CNOT2: variants seen among roughly 807,000 people sequenced by gnomAD.
CNOT2 encodes the protein CC chemokine receptor 4-negative regulator of transcription 2.
In CNOT2, 7 loss-of-function variants were observed where a neutral mutation model predicts 72.1. That is an observed-to-expected ratio of 0.10 (90% confidence interval 0.06 to 0.18). The LOEUF (loss-of-function observed/expected upper bound fraction) is 0.18. Ranked by LOEUF, CNOT2 falls within the 10% of genes least tolerant of loss-of-function variation. The probability of loss-of-function intolerance (pLI) is 1.00; values close to 1 mark genes in which losing one functional copy is unlikely to be tolerated. For missense variants in CNOT2, 345 were observed against 660.3 expected (o/e 0.52, Z 5.23); for synonymous variants, 196 against 225.6 (o/e 0.87, Z 1.17).
chr12:70,334,191 G>A (rs1880353210), intron 7 of CNOT2, among the ~76,000 whole-genome samples: 1 of 151,884 alleles, frequency 6.6e-6, no homozygotes, highest in African/African-American at 2.4e-5. Context: ...TATTCAAAAT[G>A]TATGACTCAT....
chr12:70,309,813 A>C (rs1430471721), intron 2 of CNOT2, among the ~76,000 whole-genome samples: 1 of 152,134 alleles, frequency 6.6e-6, no homozygotes, highest in East Asian at 1.9e-4. Context: ...GTCAGTTAAT[A>C]GTTTTGATAA....
At chr12:70,265,288 C>CTCTTT (rs1958975420) in intron 1 of CNOT2, among the ~76,000 whole-genome samples, 1 of 139,902 alleles carries the variant, frequency 7.1e-6, no homozygotes. Context: ...CTCTTCTCTT[C>CTCTTT]TCTTCTCTTC....
Position 70,300,256 on chromosome 12 carries a change from G to A in CNOT2, c.49-10639G>A, listed in dbSNP as rs549400343. Among the ~76,000 whole-genome samples the A allele has an allele frequency of 5.3e-5, 8 of 152,182 alleles. No homozygotes were observed. The South Asian group carries it at 6.2e-4, about 12-fold the overall frequency. On this transcript the variant is annotated intron_variant, in intron 2 of 15. Coordinates refer to ENST00000229195, the MANE Select transcript of CNOT2 (RefSeq NM_014515.7). ...CCATTTGTCAATTTTGGCTTTTGTT[G>A]CCATTGCTTTTGGTGTTTTAGACAT...
At chr12:70,260,817 A>G (rs1172943600) in intron 1 of CNOT2, among the ~76,000 whole-genome samples, 1 of 146,976 alleles carries the variant, frequency 6.8e-6, no homozygotes, top group Non-Finnish European at 1.5e-5. Flanking sequence ...AATTAGAGGT[A>G]GTTTCACTTC....
intron 8 of CNOT2, 58 bp from the exon 9 acceptor site, chr12:70,337,331 C>T: frequency 1.4e-6 from 2 of 1,456,626 alleles, no homozygotes; most frequent in Non-Finnish European, 1.9e-6. Flanking sequence ...ACTTTATAAT[C>T]TGTAGCAAAA....
At chr12:70,315,387 A>G (rs768485087) in intron 3 of CNOT2, among the ~76,000 whole-genome samples, 33 of 151,812 alleles carry the variant, frequency 2.2e-4, no homozygotes, top group Admixed American at 1.4e-3. Flanking sequence ...GTCATAATTC[A>G]TTTGTGGTTT....
chr12:70,289,500 A>T (rs1292599864), intron 2 of CNOT2, among the ~76,000 whole-genome samples: 1 of 151,840 alleles, frequency 6.6e-6, no homozygotes, highest in Non-Finnish European at 1.5e-5. Context: ...AAATTTAGGA[A>T]TTTTTTTCAT....
intron 1 of CNOT2, among the ~76,000 whole-genome samples, chr12:70,253,377 C>T (rs1002052742): frequency 2.6e-5 from 4 of 152,164 alleles, no homozygotes; most frequent in Non-Finnish European, 4.4e-5. Flanking sequence ...TAGGTATTTA[C>T]TGTTGTTGGT....
intron 2 of CNOT2, chr12:70,294,199 C>T: frequency 7.8e-7 from 1 of 1,289,412 alleles, no homozygotes; most frequent in Non-Finnish European, 1.0e-6. Flanking sequence ...GGGGCTGGTG[C>T]CATGGCTCAC....
At chr12:70,302,017 A>G (rs1009091537) in intron 2 of CNOT2, among the ~76,000 whole-genome samples, 2 of 152,112 alleles carry the variant, frequency 1.3e-5, no homozygotes, top group Admixed American at 1.3e-4. Flanking sequence ...AGAGGTGTTT[A>G]TAGTATTCTC....
chr12:70,308,555 T>TTCTCTCTCTCTCTCTCTC (rs3049213), intron 2 of CNOT2, among the ~76,000 whole-genome samples: 1 of 134,334 alleles, frequency 7.4e-6, no homozygotes, highest in African/African-American at 2.8e-5. Flanking sequence ...TTGGTATATT[T>TTCTCTCTCTCTCTCTCTC]TCTCTCTCTC....
chr12:70,331,830 C>T (rs1486699926), intron 6 of CNOT2: 1 of 151,800 alleles, frequency 6.6e-6, no homozygotes, highest in Admixed American at 6.6e-5. Flanking sequence ...AGATTAACCC[C>T]GCTTACAGCA....
chr12:70,313,502 A>T (rs781467545), intron 3 of CNOT2, among the ~76,000 whole-genome samples: 1 of 152,038 alleles, frequency 6.6e-6, no homozygotes, highest in South Asian at 2.1e-4. Context: ...ATTTATGTCC[A>T]TTAGAAATGT....
chr12:70,334,053 A>G (rs545475525), intron 7 of CNOT2, among the ~76,000 whole-genome samples: 218 of 152,108 alleles, frequency 1.4e-3, no homozygotes, highest in Non-Finnish European at 2.6e-3. Context: ...AAAATTCCCA[A>G]TTCTTTCATA....
intron 1 of CNOT2, among the ~76,000 whole-genome samples, chr12:70,256,491 A>C (rs1958446377): frequency 6.6e-6 from 1 of 151,818 alleles, no homozygotes; most frequent in Non-Finnish European, 1.5e-5. Context: ...TTATTACAGC[A>C]TACCAAGGAA....
intron 2 of CNOT2, among the ~76,000 whole-genome samples, chr12:70,300,491 G>T (rs1205936823): frequency 2.0e-5 from 3 of 152,142 alleles, no homozygotes; most frequent in Admixed American, 6.6e-5. Context: ...TTTCCCCATT[G>T]CTTGTTTTTG....
At chr12:70,289,035 G>T (rs1871403343) in intron 2 of CNOT2, among the ~76,000 whole-genome samples, 2 of 146,542 alleles carry the variant, frequency 1.4e-5, no homozygotes, top group Non-Finnish European at 1.5e-5. Context: ...TCCCTCCCTT[G>T]CCCTGCTTTA....
intron 4 of CNOT2, chr12:70,323,928 C>T (rs894311680): frequency 3.3e-5 from 5 of 151,556 alleles, no homozygotes; most frequent in African/African-American, 1.2e-4. Context: ...ACACACAGAG[C>T]TAATATTTAT....
intron 9 of CNOT2, chr12:70,337,859 A>G (rs1215008075): frequency 2.3e-6 from 1 of 427,872 alleles, no homozygotes; most frequent in African/African-American, 2.1e-5. Flanking sequence ...ACATTTTTAT[A>G]CCTGTGTTGA....
Sources: allele counts gnomAD v4.1 joint callset (sites outside exome capture counted in the v4.1 genomes callset), GRCh38; gene constraint gnomAD v4.1.1; transcripts MANE v1.5; gene names NCBI Gene and HGNC (gene_info 2026-07-23, HGNC 2026-07-21).